HNF4A: variants seen among roughly 807,000 people sequenced by gnomAD.
HNF4A encodes the protein hepatocyte nuclear factor 4 alpha, also known as hepatocyte nuclear factor 4-alpha.
HNF4A carries 15 observed loss-of-function variants against 52.4 expected under a neutral mutation model. That is an observed-to-expected ratio of 0.29 (90% CI 0.19 to 0.44). HNF4A has a LOEUF of 0.44. Among genes scored for constraint, HNF4A ranks in the 20% least tolerant of loss-of-function variants. HNF4A has a pLI of 1.00. For synonymous variants in HNF4A, 280 were observed against 264.4 expected (o/e 1.06, Z -0.57); for missense variants, 479 against 647.2 (o/e 0.74, Z 2.82).
At chr20:44,400,659 G>A (rs1297435077), upstream of HNF4A, among the ~76,000 whole-genome samples, 3 of 152,128 alleles carry the variant, frequency 2.0e-5, no homozygotes, top group Admixed American at 2.0e-4. Flanking sequence ...GGGCAGGGTG[G>A]GATCACAGGG....
At chr20:44,421,773 GTATATATATATAATATATAT>G (rs1555817126) in intron 7 of HNF4A, among the ~76,000 whole-genome samples, 89 of 144,528 alleles carry the variant, frequency 6.2e-4, no homozygotes, top group African/African-American at 1.6e-3. Flanking sequence ...ACATATATGT[GTATATATATATAATATATAT>G]TATATATATA....
intron 7 of HNF4A, among the ~76,000 whole-genome samples, chr20:44,422,879 A>G (rs1236511334): frequency 2.0e-5 from 3 of 151,708 alleles, no homozygotes; most frequent in Non-Finnish European, 4.4e-5. Flanking sequence ...GGGTTTCACC[A>G]TATTGACCAG....
chr20:44,384,586 A>C (rs937736517), intron 1 of HNF4A: 1 of 152,186 alleles, frequency 6.6e-6, no homozygotes, highest in Non-Finnish European at 1.5e-5. Flanking sequence ...ATTCATATCT[A>C]TACTTGCTTC....
chr20:44,384,386 G>GA (rs527349710), intron 1 of HNF4A: 171 of 152,098 alleles, frequency 1.1e-3, no homozygotes, highest in African/African-American at 4.0e-3. Context: ...TTACAGATAT[G>GA]AAAAAATCAT....
intron 1 of HNF4A, among the ~76,000 whole-genome samples, chr20:44,378,930 A>G (rs868456845): frequency 7.3e-5 from 11 of 151,272 alleles, no homozygotes; most frequent in African/African-American, 9.7e-5. Context: ...AAAAAAAAAA[A>G]AAAAGAAAAG....
intron 1 of HNF4A, among the ~76,000 whole-genome samples, chr20:44,376,508 C>A (rs117026953): frequency 2.0e-5 from 3 of 152,040 alleles, no homozygotes; most frequent in Non-Finnish European, 4.4e-5. Flanking sequence ...TATGTATCCA[C>A]CTCTCAATTT....
intron 9 of HNF4A, among the ~76,000 whole-genome samples, chr20:44,429,231 T>G (rs2063847484): frequency 6.6e-6 from 1 of 152,082 alleles, no homozygotes; most frequent in African/African-American, 2.4e-5. Flanking sequence ...GCCTGGGCCT[T>G]GGTTTGGGAG....
intron 1 of HNF4A, among the ~76,000 whole-genome samples, chr20:44,366,680 G>A (rs1412725217): frequency 6.6e-6 from 1 of 151,998 alleles, no homozygotes; most frequent in Non-Finnish European, 1.5e-5. Context: ...CAAAGTACAG[G>A]GGCCAATTGT....
At chr20:44,368,084 A>ATGTGTG (rs1388522420) in intron 1 of HNF4A, among the ~76,000 whole-genome samples, 1 of 103,064 alleles carries the variant, frequency 9.7e-6, no homozygotes, top group Non-Finnish European at 2.0e-5. Context: ...ATATATATAT[A>ATGTGTG]TATGTGTGTG....
chr20:44,387,592 G>C (rs1321857953), intron 1 of HNF4A, among the ~76,000 whole-genome samples: 2 of 147,166 alleles, frequency 1.4e-5, no homozygotes, highest in Non-Finnish European at 3.0e-5. Context: ...CTTGGCCCCT[G>C]AGTGAAGAGT....
At chr20:44,386,987 A>G (rs1462760528) in intron 1 of HNF4A, among the ~76,000 whole-genome samples, 3 of 152,178 alleles carry the variant, frequency 2.0e-5, no homozygotes, top group Non-Finnish European at 2.9e-5. Flanking sequence ...TCATCCAACA[A>G]CTATCCATTA....
intron 1 of HNF4A, among the ~76,000 whole-genome samples, chr20:44,370,422 C>T (rs1388549558): frequency 6.6e-6 from 1 of 152,210 alleles, no homozygotes; most frequent in African/African-American, 2.4e-5. Flanking sequence ...TGCCTCTTCC[C>T]CAGATCTTTG....
chr20:44,412,833 C>T (rs767369694), intron 3 of HNF4A, among the ~76,000 whole-genome samples: 3 of 152,134 alleles, frequency 2.0e-5, no homozygotes, highest in Non-Finnish European at 2.9e-5. Flanking sequence ...AGGGAGCCGG[C>T]TGGCAGGGAA....
chr20:44,394,011 G>A (rs2063330126), intron 1 of HNF4A, among the ~76,000 whole-genome samples: 1 of 152,204 alleles, frequency 6.6e-6, no homozygotes, highest in African/African-American at 2.4e-5. Context: ...GGACGTGGCT[G>A]AGATGGATTA....
intron 1 of HNF4A, chr20:44,390,519 A>C: frequency 1.5e-6 from 1 of 673,006 alleles, no homozygotes; most frequent in Non-Finnish European, 2.7e-6. Context: ...GACCAGTATT[A>C]AGGGATTAAC....
At chr20:44,375,514 G>A (rs2063075819) in intron 1 of HNF4A, among the ~76,000 whole-genome samples, 2 of 150,666 alleles carry the variant, frequency 1.3e-5, no homozygotes, top group Admixed American at 6.6e-5. Context: ...TTTTGAGACA[G>A]GGTCTTGCTC....
At chr20:44,377,301 G>A (rs1416254193) in intron 1 of HNF4A, among the ~76,000 whole-genome samples, 1 of 152,164 alleles carries the variant, frequency 6.6e-6, no homozygotes, top group African/African-American at 2.4e-5. Flanking sequence ...TAGAGAGGGA[G>A]GGGGCAAATG....
Position 44,424,211 on chromosome 20 carries a change from C to G in HNF4A, c.1086C>G (p.Gly362=), listed in dbSNP as rs758836138. The change falls in exon 8 of 10, where the codon GGC becomes GGG. Residue 362 remains glycine, a synonymous_variant. Transcript: ENST00000316099. ...AGATCCAGTTCATCAAGCTCTTCGGCATGGCCAAGATTGACAACCTGTTGC... is the reference window on the plus strand; with the variant it reads ...AGATCCAGTTCATCAAGCTCTTCGGGATGGCCAAGATTGACAACCTGTTGC... The G allele has an allele frequency of 9.3e-6, 15 of 1,614,108 alleles. No homozygotes were observed. In the East Asian group the frequency reaches 3.3e-4, roughly 36 times the overall value.
At chr20:44,369,841 C>A (rs1178925430) in intron 1 of HNF4A, among the ~76,000 whole-genome samples, 1 of 151,964 alleles carries the variant, frequency 6.6e-6, no homozygotes, top group African/African-American at 2.4e-5. Flanking sequence ...ACCATGTTGC[C>A]AGGCTGGTCT....
Sources: gnomAD v4.1 joint callset for allele counts (sites outside exome capture counted in the v4.1 genomes callset) on GRCh38, gnomAD v4.1.1 for gene constraint, MANE v1.5 for transcripts, NCBI Gene and HGNC (gene_info 2026-07-23, HGNC 2026-07-21) for gene names.